RERG: variants seen among roughly 807,000 people sequenced by gnomAD.
The protein encoded by RERG is RAS like estrogen regulated growth inhibitor.
Under a neutral mutation model 23.2 loss-of-function variants are expected in RERG, and 25 were observed. The ratio of observed to expected loss-of-function variants is 1.08; its 90% CI spans 0.79 to 1.50. The LOEUF (loss-of-function observed/expected upper bound fraction) is 1.50, where lower values mean the gene tolerates loss of function less well. Among genes scored for constraint, RERG ranks in the 40% most tolerant of loss-of-function variants. The probability of loss-of-function intolerance (pLI) is 0.00; values close to 1 mark genes in which losing one functional copy is unlikely to be tolerated. For synonymous variants in RERG, 81 were observed against 89.1 expected (o/e 0.91, Z 0.51); for missense variants, 253 against 250.1 (o/e 1.01, Z -0.08).
intron 2 of RERG, among the ~76,000 whole-genome samples, chr12:15,149,412 A>T (rs1864399949): frequency 6.6e-6 from 1 of 152,170 alleles, no homozygotes; most frequent in South Asian, 2.1e-4. Context: ...ATCTACTATG[A>T]ACAAAGAAAA....
intron 2 of RERG, among the ~76,000 whole-genome samples, chr12:15,165,193 A>G (rs1158269117): frequency 6.6e-6 from 1 of 152,196 alleles, no homozygotes; most frequent in Admixed American, 6.5e-5. Context: ...TCATAGCAGC[A>G]TGTCTTTGAG....
chr12:15,188,028 G>C (rs1238268248), intron 2 of RERG, among the ~76,000 whole-genome samples: 1 of 152,124 alleles, frequency 6.6e-6, no homozygotes, highest in Non-Finnish European at 1.5e-5. Flanking sequence ...CTGGGTTATA[G>C]AGTTCCAGAG....
intron 2 of RERG, among the ~76,000 whole-genome samples, chr12:15,163,514 T>A (rs957209309): frequency 6.6e-6 from 1 of 152,214 alleles, no homozygotes; most frequent in African/African-American, 2.4e-5. Context: ...AATAGTCAGA[T>A]GGTCTCTGCT....
chr12:15,132,538 A>C (rs373586639), intron 2 of RERG, among the ~76,000 whole-genome samples: 2 of 152,226 alleles, frequency 1.3e-5, no homozygotes, highest in African/African-American at 4.8e-5. Flanking sequence ...AAGTCATCAA[A>C]TCAGTTGGGT....
intron 2 of RERG, among the ~76,000 whole-genome samples, chr12:15,133,785 A>T (rs1864096036): frequency 7.8e-6 from 1 of 128,832 alleles, no homozygotes; most frequent in Admixed American, 8.4e-5. Context: ...AGTGTTTTGG[A>T]TTTTGCACAT....
At chr12:15,117,233 A>G (rs997771017) in intron 3 of RERG, among the ~76,000 whole-genome samples, 1 of 151,388 alleles carries the variant, frequency 6.6e-6, no homozygotes. Flanking sequence ...TTATGCCACA[A>G]TGGAAATTGT....
chr12:15,192,360 A>T (rs1172300661), intron 2 of RERG, among the ~76,000 whole-genome samples: 2 of 152,198 alleles, frequency 1.3e-5, no homozygotes, highest in African/African-American at 4.8e-5. Context: ...AAACCTCTTT[A>T]TAAATTACCC....
intron 2 of RERG, among the ~76,000 whole-genome samples, chr12:15,168,525 T>A (rs1052018360): frequency 6.6e-6 from 1 of 152,216 alleles, no homozygotes; most frequent in Non-Finnish European, 1.5e-5. Flanking sequence ...TGGAAATTCA[T>A]AAGTCTTAAA....
chr12:15,132,431 T>C (rs1377042226), intron 2 of RERG, among the ~76,000 whole-genome samples: 1 of 152,244 alleles, frequency 6.6e-6, no homozygotes, highest in Non-Finnish European at 1.5e-5. Context: ...ACAGTTTGCT[T>C]ACCCAGTAAC....
chr12:15,136,211 T>C (rs1053670803), intron 2 of RERG, among the ~76,000 whole-genome samples: 2 of 152,074 alleles, frequency 1.3e-5, no homozygotes, highest in Non-Finnish European at 2.9e-5. Context: ...ATTCCTTTAT[T>C]ATCCTTTCAA....
chr12:15,213,808 G>A (rs997780697), intron 2 of RERG, among the ~76,000 whole-genome samples: 4 of 152,172 alleles, frequency 2.6e-5, no homozygotes, highest in Non-Finnish European at 4.4e-5. Flanking sequence ...GGCTTAGGAA[G>A]CCATCTGCCA....
At chr12:15,192,453 A>T (rs1287561584) in intron 2 of RERG, among the ~76,000 whole-genome samples, 2 of 152,208 alleles carry the variant, frequency 1.3e-5, no homozygotes, top group Admixed American at 6.5e-5. Flanking sequence ...AATGTATTTT[A>T]AAAAACCCTA....
intron 2 of RERG, among the ~76,000 whole-genome samples, chr12:15,208,154 A>G (rs1865318109): frequency 1.3e-5 from 2 of 152,172 alleles, no homozygotes; most frequent in South Asian, 2.1e-4. Context: ...TTGCAACATT[A>G]TCTCCTGCCT....
chr12:15,200,809 G>T (rs184328139), intron 2 of RERG, among the ~76,000 whole-genome samples: 11 of 151,746 alleles, frequency 7.2e-5, no homozygotes, highest in East Asian at 1.9e-4. Flanking sequence ...TTTTTAAAAG[G>T]CTTCTGAGTT....
intron 2 of RERG, among the ~76,000 whole-genome samples, chr12:15,201,788 T>A (rs1044174609): frequency 6.6e-6 from 1 of 151,532 alleles, no homozygotes; most frequent in Admixed American, 6.6e-5. Context: ...CTATCTCACT[T>A]GATTTTGGTC....
chr12:15,137,285 ATG>A (rs900409043), intron 2 of RERG, among the ~76,000 whole-genome samples: 55 of 151,542 alleles, frequency 3.6e-4, no homozygotes, highest in African/African-American at 1.3e-3. Context: ...TTTAATCTAT[ATG>A]TGTCTTTATA....
intron 2 of RERG, among the ~76,000 whole-genome samples, chr12:15,151,256 C>T (rs1052346049): frequency 2.6e-5 from 4 of 152,210 alleles, no homozygotes; most frequent in South Asian, 2.1e-4. Flanking sequence ...AAACCAATCT[C>T]GGTAAGTCAA....
chr12:15,206,914 G>C (rs1221860400), intron 2 of RERG, among the ~76,000 whole-genome samples: 2 of 152,090 alleles, frequency 1.3e-5, no homozygotes, highest in African/African-American at 4.8e-5. Context: ...GCATGGGAGA[G>C]AGAAACAAGA....
At chr12:15,130,293 C>T (rs1864023279) in intron 2 of RERG, among the ~76,000 whole-genome samples, 1 of 152,126 alleles carries the variant, frequency 6.6e-6, no homozygotes, top group Non-Finnish European at 1.5e-5. Flanking sequence ...GCATGGTTAA[C>T]ATGGTCCAGG....
Sources: allele counts gnomAD v4.1 joint callset (sites outside exome capture counted in the v4.1 genomes callset), GRCh38; gene constraint gnomAD v4.1.1; transcripts MANE v1.5; gene names NCBI Gene and HGNC (gene_info 2026-07-23, HGNC 2026-07-21).